PPP2R2B: variants seen among roughly 807,000 people sequenced by gnomAD.
PPP2R2B encodes serine/threonine-protein phosphatase 2A 55 kDa regulatory subunit B beta isoform.
In PPP2R2B, 5 loss-of-function variants were observed where a neutral mutation model predicts 46.0. The ratio of observed to expected loss-of-function variants is 0.11; its 90% CI spans 0.06 to 0.23. PPP2R2B has a LOEUF of 0.23. Among genes scored for constraint, PPP2R2B ranks in the 10% least tolerant of loss-of-function variants. PPP2R2B has a pLI of 1.00. For missense variants in PPP2R2B, 367 were observed against 575.0 expected, an observed-to-expected ratio of 0.64 and a Z score of 3.70; for synonymous variants, 215 against 206.7, an observed-to-expected ratio of 1.04 and a Z score of -0.34.
intron 1 of PPP2R2B, among the ~76,000 whole-genome samples, chr5:146,982,447 T>G (rs556668280): frequency 6.6e-6 from 1 of 152,200 alleles, no homozygotes; most frequent in Non-Finnish European, 1.5e-5. Flanking sequence ...AGATGACGTT[T>G]GATTTATAGT....
intron 2 of PPP2R2B, among the ~76,000 whole-genome samples, chr5:146,714,531 AG>A (rs1780385575): frequency 6.6e-6 from 1 of 152,146 alleles, no homozygotes; most frequent in South Asian, 2.1e-4. Flanking sequence ...TGAAGAAGAA[AG>A]AAGGTGGAAT....
At chr5:146,593,674 C>A (rs1770886328) in intron 8 of PPP2R2B, among the ~76,000 whole-genome samples, 1 of 152,082 alleles carries the variant, frequency 6.6e-6, no homozygotes, top group Admixed American at 6.6e-5. Context: ...ACAGTGATGT[C>A]TGGGTTTGGG....
chr5:146,763,350 G>C (rs181734661), intron 2 of PPP2R2B, among the ~76,000 whole-genome samples: 170 of 152,264 alleles, frequency 1.1e-3, no homozygotes, highest in Admixed American at 3.5e-3. Context: ...TTCAAATGCT[G>C]GTTGAGGATC....
intron 7 of PPP2R2B, among the ~76,000 whole-genome samples, chr5:146,637,531 A>G (rs1276289380): frequency 2.0e-5 from 3 of 152,210 alleles, no homozygotes; most frequent in African/African-American, 7.2e-5. Context: ...CTCAGCCAGA[A>G]TTTAACCTTT....
chr5:146,989,556 T>C (rs940019914), intron 1 of PPP2R2B, among the ~76,000 whole-genome samples: 1 of 152,046 alleles, frequency 6.6e-6, no homozygotes, highest in Non-Finnish European at 1.5e-5. Flanking sequence ...CATCTATTCA[T>C]GATAAGAACT....
In PPP2R2B at chr5:146,589,018, A is replaced by AACTT. The variant is rs935856209; in HGVS notation, c.*925_*928dup. ...ACTCAGGGGTGGTGGCACTGCTTCC[A>AACTT]ACTTACTGCTTCATTTAGAACACCA... On this transcript the variant is annotated 3_prime_UTR_variant, in exon 10 of 10. Coordinates refer to ENST00000394411, the MANE Select transcript of PPP2R2B (RefSeq NM_181675.4). The AACTT allele has an allele frequency of 2.6e-5, 4 of 152,262 alleles. No individual in the cohort carries two copies. Among genetic ancestry groups the AACTT allele is most frequent in the Admixed American group, 1.3e-4 (2 of 15,278 alleles). The allele number at this position is 152,262 out of a possible 1,614,324, so 9.4% of individuals were successfully genotyped here. A position where few individuals can be genotyped will look rare whatever the true frequency, so the allele number is the denominator to read the frequency against.
chr5:146,848,226 T>C (rs1034635250), intron 2 of PPP2R2B, among the ~76,000 whole-genome samples: 1 of 152,236 alleles, frequency 6.6e-6, no homozygotes, highest in African/African-American at 2.4e-5. Flanking sequence ...AGAGCTCTTC[T>C]ATACCTCTTG....
At chr5:146,670,466 T>C (rs545216512) in intron 5 of PPP2R2B, among the ~76,000 whole-genome samples, 6 of 140,566 alleles carry the variant, frequency 4.3e-5, no homozygotes, top group African/African-American at 1.3e-4. Context: ...TTATCTGTTT[T>C]ATGTGTACTA....
intron 6 of PPP2R2B, among the ~76,000 whole-genome samples, chr5:146,640,386 A>T (rs1348230416): frequency 6.6e-6 from 1 of 152,242 alleles, no homozygotes; most frequent in African/African-American, 2.4e-5. Flanking sequence ...ATATGATTGC[A>T]GTTAGCATCA....
intron 4 of PPP2R2B, among the ~76,000 whole-genome samples, chr5:146,691,706 C>T (rs896678851): frequency 6.6e-6 from 1 of 152,108 alleles, no homozygotes; most frequent in Admixed American, 6.5e-5. Context: ...ATGACCTGCC[C>T]TCTCCACTTT....
At chr5:147,063,167 A>G (rs1291864860) in intron 2 of PPP2R2B, among the ~76,000 whole-genome samples, 1 of 152,144 alleles carries the variant, frequency 6.6e-6, no homozygotes, top group African/African-American at 2.4e-5. Context: ...AGAGATGCAT[A>G]GTAGAAAACT....
intron 1 of PPP2R2B, among the ~76,000 whole-genome samples, chr5:147,051,583 C>G (rs904510433): frequency 6.6e-6 from 1 of 151,958 alleles, no homozygotes; most frequent in Non-Finnish European, 1.5e-5. Flanking sequence ...AAGGAAGAAG[C>G]ACGTGGCAAG....
chr5:146,957,800 G>A (rs1252069429), intron 1 of PPP2R2B, among the ~76,000 whole-genome samples: 1 of 152,170 alleles, frequency 6.6e-6, no homozygotes, highest in Admixed American at 6.5e-5. Flanking sequence ...AGACCAGTGG[G>A]CCAGTGCTAG....
chr5:146,638,135 G>T, intron 7 of PPP2R2B, 116 bp downstream of exon 7: 1 of 1,063,482 alleles, frequency 9.4e-7, no homozygotes. Context: ...CCCACTTGTA[G>T]TTTCTTTACT....
chr5:146,839,203 C>T lies in PPP2R2B; in HGVS notation c.70+38799G>A, dbSNP rs574163569. On this transcript the variant is annotated intron_variant, in intron 2 of 9. Transcript: ENST00000394411. ...ACTTATGCAATACTCAAGTCAAATA[C>T]ATATGGATTCAAACTGAGTCCTAAA... is the stretch of plus-strand genomic sequence containing the variant. 2.6e-5 allele frequency among the ~76,000 whole-genome samples: 4 copies of T among 152,312 alleles called. No individual in the cohort carries two copies. In the East Asian group the frequency reaches 7.7e-4, roughly 29 times the overall value.
At chr5:146,701,968 CT>C (rs1779566283) in intron 2 of PPP2R2B, among the ~76,000 whole-genome samples, 1 of 150,534 alleles carries the variant, frequency 6.6e-6, no homozygotes, top group Non-Finnish European at 1.5e-5. Context: ...TTTATTAGGG[CT>C]ATTTTTAGAA....
intron 5 of PPP2R2B, among the ~76,000 whole-genome samples, chr5:146,653,740 G>A (rs2151097956): frequency 6.6e-6 from 1 of 152,310 alleles, no homozygotes; most frequent in East Asian, 1.9e-4. Flanking sequence ...TGATGGGCCT[G>A]CCTGCTAATT....
At chr5:146,952,480 T>A (rs1186862234) in intron 1 of PPP2R2B, among the ~76,000 whole-genome samples, 1 of 151,950 alleles carries the variant, frequency 6.6e-6, no homozygotes, top group Non-Finnish European at 1.5e-5. Context: ...TACACAAGGA[T>A]GGGGAAAAAA....
chr5:146,941,426 C>T (rs796466942), intron 1 of PPP2R2B, among the ~76,000 whole-genome samples: 10 of 152,232 alleles, frequency 6.6e-5, no homozygotes, highest in African/African-American at 2.4e-4. Flanking sequence ...ATCAATAAGA[C>T]AGATCTCTGG....
Sources: gnomAD v4.1 joint callset for allele counts (sites outside exome capture counted in the v4.1 genomes callset) on GRCh38, gnomAD v4.1.1 for gene constraint, MANE v1.5 for transcripts, NCBI Gene and HGNC (gene_info 2026-07-23, HGNC 2026-07-21) for gene names.